MCTP2: variants seen among roughly 807,000 people sequenced by gnomAD.
MCTP2 encodes the protein multiple C2 and transmembrane domain-containing protein 2.
A neutral mutation model predicts 111.6 loss-of-function variants in MCTP2; 132 were observed. The observed-to-expected ratio is 1.18, with a 90% CI of 1.03 to 1.37. MCTP2 has a LOEUF of 1.37. MCTP2 is among the 40% of genes most tolerant of loss of function. MCTP2 has a pLI of 0.00. For missense variants in MCTP2, 1,183 were observed against 1,067.9 expected (o/e 1.11, Z -1.50); for synonymous variants, 395 against 387.7 (o/e 1.02, Z -0.22).
chr15:94,474,763 G>A lies in MCTP2; in HGVS notation c.2471-1933G>A, dbSNP rs141277294. Among the ~76,000 whole-genome samples the A allele has an allele frequency of 5.8e-3, 885 of 152,236 alleles. 9 individuals carry two copies. Among genetic ancestry groups the A allele is most frequent in the African/African-American group, 0.02 (826 of 41,536 alleles). On this transcript the variant is annotated intron_variant, in intron 21 of 22. Coordinates refer to ENST00000357742, the MANE Select transcript of MCTP2 (RefSeq NM_001385001.1). ...AGTCGGTCTCACAGAGTTGTGAATA[G>A]GGCAAAATTATTGAAACTTTTGATC...
intron 17 of MCTP2, among the ~76,000 whole-genome samples, chr15:94,435,991 G>C (rs1056960259): frequency 5.2e-4 from 79 of 152,204 alleles, no homozygotes; most frequent in Middle Eastern, 6.8e-3. Flanking sequence ...GACTCAAAAT[G>C]CAAACTTTGT....
chr15:94,284,777 G>T (rs2074671681), intron 1 of MCTP2, among the ~76,000 whole-genome samples: 1 of 152,150 alleles, frequency 6.6e-6, no homozygotes, highest in African/African-American at 2.4e-5. Context: ...AAGAATCTTT[G>T]GAGCTTATTG....
intron 1 of MCTP2, among the ~76,000 whole-genome samples, chr15:94,252,672 C>G (rs1005040137): frequency 6.6e-6 from 1 of 151,548 alleles, no homozygotes; most frequent in Non-Finnish European, 1.5e-5. Context: ...CAAGGTATCA[C>G]AGCTTAAACT....
intron 10 of MCTP2, among the ~76,000 whole-genome samples, chr15:94,364,444 C>G (rs2079085954): frequency 6.6e-6 from 1 of 152,052 alleles, no homozygotes; most frequent in South Asian, 2.1e-4. Flanking sequence ...AAGAGCCCAA[C>G]CAGATTATTT....
intron 4 of MCTP2, among the ~76,000 whole-genome samples, chr15:94,335,182 A>G (rs1220180001): frequency 1.3e-5 from 2 of 151,992 alleles, no homozygotes; most frequent in African/African-American, 4.8e-5. Flanking sequence ...ATATTTCTAA[A>G]CCTTGGCTCT....
chr15:94,239,182 T>C (rs1003849166), intron 1 of MCTP2, among the ~76,000 whole-genome samples: 2 of 152,164 alleles, frequency 1.3e-5, no homozygotes, highest in African/African-American at 4.8e-5. Flanking sequence ...AGAACTTGGG[T>C]AATATATCAA....
In MCTP2 at chr15:94,471,381, C is replaced by CA. The variant is rs11420194; in HGVS notation, c.2470+942dup. 6.4e-3 allele frequency among the ~76,000 whole-genome samples: 974 copies of CA among 152,266 alleles called. 11 individuals are homozygous for CA. The highest frequency in any genetic ancestry group is 0.022 in the African/African-American group (924 of 41,540). ...TCCTTAAGCAAAAGCTGAGAGCCTG[C>CA]AAATGCTGGATGAAAGCTACAACCT... On this transcript the variant is annotated intron_variant, in intron 21 of 22. Coordinates refer to ENST00000357742, the MANE Select transcript of MCTP2 (RefSeq NM_001385001.1).
intron 10 of MCTP2, among the ~76,000 whole-genome samples, chr15:94,360,823 C>T (rs2078890256): frequency 1.4e-5 from 2 of 147,578 alleles, no homozygotes; most frequent in South Asian, 4.5e-4. Context: ...GGTGGTCATT[C>T]TGTTCTTCCT....
At chr15:94,469,181 G>A (rs941501093) in intron 20 of MCTP2, among the ~76,000 whole-genome samples, 2 of 152,030 alleles carry the variant, frequency 1.3e-5, no homozygotes, top group African/African-American at 4.8e-5. Flanking sequence ...CTACCTTTCT[G>A]TATTCCTAGC....
Position 94,306,248 on chromosome 15 carries a change from A to G in MCTP2, c.465+7518A>G, listed in dbSNP as rs115434124. On this transcript the variant is annotated intron_variant, in intron 2 of 22. Coordinates refer to ENST00000357742, the MANE Select transcript of MCTP2 (RefSeq NM_001385001.1). ...AGTTTGTCTGTGGGGCTAGAAAAAT[A>G]TGAAGGTCTTAGCCCAGTACCTGCC... Among the ~76,000 whole-genome samples the G allele has an allele frequency of 5.8e-3, 888 of 152,332 alleles. 13 individuals carry two copies. The highest frequency in any genetic ancestry group is 0.02 in the African/African-American group (838 of 41,560).
intron 1 of MCTP2, among the ~76,000 whole-genome samples, chr15:94,237,415 C>T (rs2070646137): frequency 6.7e-6 from 1 of 149,844 alleles, no homozygotes; most frequent in Non-Finnish European, 1.5e-5. Context: ...CCATTGAAAG[C>T]AGTTGAGGAC....
intron 1 of MCTP2, among the ~76,000 whole-genome samples, chr15:94,232,543 C>T (rs2070255528): frequency 6.6e-6 from 1 of 152,140 alleles, no homozygotes; most frequent in African/African-American, 2.4e-5. Flanking sequence ...TCATTTTTTG[C>T]TTGAGTCAGT....
At chr15:94,402,107 G>A (rs1332465261) in intron 17 of MCTP2, 88 bp downstream of exon 17, 60 of 1,483,380 alleles carry the variant, frequency 4.0e-5, no homozygotes, top group South Asian at 9.5e-5. Context: ...AGGTGATTAC[G>A]TGGGGGTTGT....
chr15:94,345,307 A>G (rs2077915557), intron 8 of MCTP2, 143 bp downstream of exon 8: 1 of 799,332 alleles, frequency 1.3e-6, no homozygotes, highest in Admixed American at 2.6e-5. Context: ...GAATAAGAAA[A>G]CAACCTTCCT....
intron 2 of MCTP2, 65 bp downstream of exon 2, chr15:94,298,795 T>TCCCTCTCTCC: frequency 5.6e-6 from 6 of 1,078,718 alleles, no homozygotes; most frequent in Non-Finnish European, 6.5e-6. Flanking sequence ...CCTCTCTTTC[T>TCCCTCTCTCC]CCCTCTCTCC....
chr15:94,317,122 CT>C (rs1266610024), intron 4 of MCTP2, among the ~76,000 whole-genome samples: 1 of 152,158 alleles, frequency 6.6e-6, no homozygotes, highest in Non-Finnish European at 1.5e-5. Context: ...AATCCCATCC[CT>C]TTTTGAGAAT....
chr15:94,446,873 G>A (rs2084149656), intron 19 of MCTP2, among the ~76,000 whole-genome samples: 1 of 152,106 alleles, frequency 6.6e-6, no homozygotes, highest in Non-Finnish European at 1.5e-5. Flanking sequence ...AAAACAATAT[G>A]ACCCTTTTAT....
chr15:94,296,392 T>G (rs929713085), intron 1 of MCTP2, among the ~76,000 whole-genome samples: 1 of 152,194 alleles, frequency 6.6e-6, no homozygotes, highest in African/African-American at 2.4e-5. Context: ...ATTGAAACAA[T>G]TTTAAAAGTC....
intron 17 of MCTP2, among the ~76,000 whole-genome samples, chr15:94,425,560 A>T (rs1313024663): frequency 6.6e-6 from 1 of 152,194 alleles, no homozygotes; most frequent in East Asian, 1.9e-4. Context: ...GGAGTAAAAA[A>T]AAAGAACAAA....
Sources: allele counts gnomAD v4.1 joint callset (sites outside exome capture counted in the v4.1 genomes callset), GRCh38; gene constraint gnomAD v4.1.1; transcripts MANE v1.5; gene names NCBI Gene and HGNC (gene_info 2026-07-23, HGNC 2026-07-21).